The following DPYS variants were observed in gnomAD, a reference collection of about 807,000 sequenced individuals.
DPYS encodes dihydropyrimidine amidohydrolase.
In DPYS, 39 loss-of-function variants were observed where a neutral mutation model predicts 50.3. The observed-to-expected ratio is 0.78, with a 90% CI of 0.60 to 1.01. The LOEUF is 1.01. Among genes scored for constraint, DPYS ranks in the 50% least tolerant of loss-of-function variants. The pLI is 0.00. For synonymous variants in DPYS, 245 were observed against 250.7 expected (o/e 0.98, Z 0.22); for missense variants, 659 against 680.9 (o/e 0.97, Z 0.36).
At chr8:104,400,634 A>G (rs1440306163) in intron 7 of DPYS, among the ~76,000 whole-genome samples, 1 of 152,192 alleles carries the variant, frequency 6.6e-6, no homozygotes. Flanking sequence ...TAGCAGATTC[A>G]CAGAAATGAT....
chr8:104,456,012 C>T (rs936176329), intron 1 of DPYS, among the ~76,000 whole-genome samples: 1 of 152,002 alleles, frequency 6.6e-6, no homozygotes, highest in Admixed American at 6.6e-5. Flanking sequence ...ATGACGGTGG[C>T]CCCATAAGAT....
intron 8 of DPYS, among the ~76,000 whole-genome samples, chr8:104,387,002 A>G (rs183849562): frequency 1.1e-4 from 16 of 152,330 alleles, no homozygotes; most frequent in Non-Finnish European, 1.8e-4. Context: ...AATGCTGTTC[A>G]TGGAGGCTAA....
chr8:104,453,901 G>A (rs1315370210), intron 1 of DPYS, among the ~76,000 whole-genome samples: 1 of 152,228 alleles, frequency 6.6e-6, no homozygotes, highest in Non-Finnish European at 1.5e-5. Context: ...TGACATGGGT[G>A]AAGTTTGAAA....
intron 7 of DPYS, chr8:104,420,504 C>T (rs1388643718): frequency 1.3e-5 from 2 of 152,088 alleles, no homozygotes; most frequent in African/African-American, 4.8e-5. Flanking sequence ...CAACAGCCCC[C>T]TTCTCTCCTT....
At chr8:104,438,333 A>G (rs1813222300) in intron 4 of DPYS, among the ~76,000 whole-genome samples, 1 of 152,232 alleles carries the variant, frequency 6.6e-6, no homozygotes, top group African/African-American at 2.4e-5. Context: ...AAGAAGGCAT[A>G]TATTTCTTTT....
chr8:104,429,654 C>T lies in DPYS; in HGVS notation c.841G>A (p.Gly281Ser), dbSNP rs1812881967. Reference protein sequence around the residue: ...EPIAASLGTDGTHYWNKEWHH... With the variant: ...EPIAASLGTDSTHYWNKEWHH... ...CATTCTTTATTCCAGTAGTGAGTGCCATCTGTGCCAAGACTGGCTGCTATG... is the reference window on the plus strand; with the variant it reads ...CATTCTTTATTCCAGTAGTGAGTGCTATCTGTGCCAAGACTGGCTGCTATG... Residue 281 changes from glycine (G) to serine (S), a missense_variant, in exon 5 of 10, where the codon GGC becomes AGC. Transcript: ENST00000351513. The T allele has an allele frequency of 6.2e-7, 1 of 1,614,026 alleles. No homozygotes were observed. Among genetic ancestry groups the T allele is most frequent in the Non-Finnish European group, 8.5e-7 (1 of 1,180,020 alleles).
chr8:104,390,646 C>T lies in DPYS; in HGVS notation c.1443+2138G>A, dbSNP rs138405529. Among the ~76,000 whole-genome samples the T allele has an allele frequency of 5.8e-4, 88 of 152,054 alleles. 1 individual carries two copies. Among genetic ancestry groups the T allele is most frequent in the East Asian group, 4.4e-3 (23 of 5,174 alleles). On this transcript the variant is annotated intron_variant, in intron 8 of 9. Coordinates refer to ENST00000351513, the MANE Select transcript of DPYS (RefSeq NM_001385.3). ...CTAAGTAGCTGGGACTACAGGGGTG[C>T]GCTGCCACGCCCAACTAATTTTTTG...
intron 8 of DPYS, among the ~76,000 whole-genome samples, chr8:104,390,194 T>C (rs1811345004): frequency 6.6e-6 from 1 of 152,236 alleles, no homozygotes; most frequent in South Asian, 2.1e-4. Context: ...TACTACTTTA[T>C]AATATCCTAA....
chr8:104,398,346 C>T (rs182626126), intron 7 of DPYS, among the ~76,000 whole-genome samples: 1 of 152,356 alleles, frequency 6.6e-6, no homozygotes, highest in East Asian at 1.9e-4. Flanking sequence ...AGGTGATCTG[C>T]AGTATCTGTG....
intron 6 of DPYS, 44 bp downstream of exon 6, chr8:104,427,936 G>A (rs778602216): frequency 6.2e-7 from 1 of 1,613,000 alleles, no homozygotes; most frequent in Non-Finnish European, 8.5e-7. Flanking sequence ...CAGGATCCTG[G>A]CTGAAGAACT....
intron 1 of DPYS, among the ~76,000 whole-genome samples, chr8:104,461,721 T>A (rs1814178089): frequency 6.6e-6 from 1 of 152,076 alleles, no homozygotes; most frequent in Admixed American, 6.5e-5. Context: ...GATATCCAGG[T>A]TGTGATATCC....
In DPYS at chr8:104,397,685, T is replaced by A. The variant is rs541159183; in HGVS notation, c.1236-4694A>T. On this transcript the variant is annotated intron_variant, in intron 7 of 9. Transcript: ENST00000351513. Reference sequence around the variant, plus strand: ...ACTTGGCAATTTTAATATTACCAACTGTAATAAGCACACAGCTCAGTATTA... The same window carrying A: ...ACTTGGCAATTTTAATATTACCAACAGTAATAAGCACACAGCTCAGTATTA... 5.3e-4 allele frequency among the ~76,000 whole-genome samples: 80 copies of A among 152,372 alleles called. 3 individuals carry two copies. The South Asian group carries it at 0.016, about 31-fold the overall frequency.
intron 7 of DPYS, among the ~76,000 whole-genome samples, chr8:104,397,881 C>T (rs1811645127): frequency 6.6e-6 from 1 of 152,176 alleles, no homozygotes; most frequent in African/African-American, 2.4e-5. Flanking sequence ...AATTGTGGTA[C>T]ATTTTCAATA....
chr8:104,401,205 CT>C, intron 7 of DPYS, among the ~76,000 whole-genome samples: 1 of 152,194 alleles, frequency 6.6e-6, no homozygotes, highest in South Asian at 2.1e-4. Context: ...AAAAATATAC[CT>C]CATCTCTCTA....
intron 7 of DPYS, among the ~76,000 whole-genome samples, chr8:104,409,762 C>T (rs939484702): frequency 7.2e-5 from 11 of 152,150 alleles, no homozygotes; most frequent in African/African-American, 2.7e-4. Flanking sequence ...ATATTAAAGG[C>T]ATTAACTCTT....
chr8:104,401,594 T>A (rs1191446902), intron 7 of DPYS, among the ~76,000 whole-genome samples: 1 of 152,150 alleles, frequency 6.6e-6, no homozygotes, highest in East Asian at 1.9e-4. Flanking sequence ...TCATACTCCA[T>A]GATGTTTCTT....
At chr8:104,438,960 C>G (rs926650323) in intron 4 of DPYS, among the ~76,000 whole-genome samples, 7 of 151,778 alleles carry the variant, frequency 4.6e-5, no homozygotes, top group African/African-American at 1.5e-4. Flanking sequence ...TCCCAGCCAC[C>G]CTGGAGGCTG....
At chr8:104,456,343 A>C (rs2140754627) in intron 1 of DPYS, among the ~76,000 whole-genome samples, 1 of 152,354 alleles carries the variant, frequency 6.6e-6, no homozygotes, top group Non-Finnish European at 1.5e-5. Context: ...TTCTTACCAG[A>C]CTGAAGATAT....
chr8:104,431,805 C>T (rs1268783592), intron 4 of DPYS, among the ~76,000 whole-genome samples: 1 of 152,184 alleles, frequency 6.6e-6, no homozygotes, highest in Non-Finnish European at 1.5e-5. Context: ...GTGCTCAACA[C>T]ACACTGGCAC....
Sources: gnomAD v4.1 joint callset for allele counts (sites outside exome capture counted in the v4.1 genomes callset) on GRCh38, gnomAD v4.1.1 for gene constraint, MANE v1.5 for transcripts, NCBI Gene and HGNC (gene_info 2026-07-23, HGNC 2026-07-21) for gene names.